The following RILPL1 variants were observed in gnomAD, a reference collection of about 807,000 sequenced individuals.
The protein encoded by RILPL1 is RILP-like protein 1.
Under a neutral mutation model 50.3 loss-of-function variants are expected in RILPL1, and 33 were observed. The ratio of observed to expected loss-of-function variants is 0.66; its 90% CI spans 0.50 to 0.88. RILPL1 has a LOEUF of 0.88. Ranked by LOEUF, RILPL1 falls within the 40% of genes least tolerant of loss-of-function variation. The pLI is 0.00. For missense variants in RILPL1, 418 were observed against 542.5 expected (o/e 0.77, Z 2.28); for synonymous variants, 205 against 228.6 (o/e 0.90, Z 0.93).
chr12:123,508,266 C>T (rs566816802), intron 2 of RILPL1, among the ~76,000 whole-genome samples: 4 of 152,068 alleles, frequency 2.6e-5, no homozygotes, highest in African/African-American at 9.7e-5. Context: ...TGGTGGCCCA[C>T]GCCTATAGTT....
intron 2 of RILPL1, among the ~76,000 whole-genome samples, chr12:123,518,017 A>G (rs1884805008): frequency 6.6e-6 from 1 of 152,218 alleles, no homozygotes; most frequent in Non-Finnish European, 1.5e-5. Context: ...AGACGCCTCA[A>G]GTAGTTAAAT....
In RILPL1 at chr12:123,472,643, G is replaced by T. The variant is rs2139299346; in HGVS notation, c.1107C>A (p.Asn369Lys). Reference sequence around the variant, plus strand: ...CCTGGATGTGCACGTTTCTCTGTGTGTTGGCCAGGCGCTTCTTATCTCGGG... The same window carrying T: ...CCTGGATGTGCACGTTTCTCTGTGTTTTGGCCAGGCGCTTCTTATCTCGGG... The part of the protein sequence containing the change: ...FFSRDKKRLA[N>K]TQRNVHIQES... The change falls in exon 7 of 7, where the codon AAC (asparagine) becomes AAA (lysine). Residue 369 changes from asparagine to lysine, a missense_variant. Coordinates refer to ENST00000376874, the MANE Select transcript of RILPL1 (RefSeq NM_178314.5). 6.3e-7 allele frequency: 1 copy of T among 1,597,960 alleles called. No homozygotes were observed. Among genetic ancestry groups the T allele is most frequent in the East Asian group, 2.3e-5 (1 of 44,402 alleles).
chr12:123,512,167 CTGTG>C (rs1426820978), intron 2 of RILPL1, among the ~76,000 whole-genome samples: 3 of 49,484 alleles, frequency 6.1e-5, no homozygotes, highest in African/African-American at 1.6e-4. Flanking sequence ...TGTGTGAGGT[CTGTG>C]TGTGTGTGGT....
intron 2 of RILPL1, chr12:123,513,797 A>G (rs1218922963): frequency 2.6e-5 from 4 of 152,216 alleles, no homozygotes; most frequent in Non-Finnish European, 4.4e-5. Flanking sequence ...GCCATCATAC[A>G]CACCCAGCAA....
intron 4 of RILPL1, among the ~76,000 whole-genome samples, chr12:123,495,785 ATTC>A (rs1882996240): frequency 6.7e-6 from 1 of 148,278 alleles, no homozygotes; most frequent in South Asian, 2.1e-4. Context: ...GGTTCAAGCA[ATTC>A]TTCTGCCTCA....
Position 123,472,700 on chromosome 12 carries a change from A to G in RILPL1, c.1068-18T>C. 2 of 1,588,566 alleles carry G rather than the reference A, an allele frequency of 1.3e-6. No homozygotes were observed. Among genetic ancestry groups the G allele is most frequent in the Non-Finnish European group, 8.6e-7 (1 of 1,167,178 alleles). ...AGCTAAACCTTTGGAAGGGAAAGCA[A>G]ACACAGAAATGAGAGCTGACCCTTT... On this transcript the variant is annotated intron_variant, in intron 6 of 6. Transcript: ENST00000376874.
At chr12:123,497,696 A>G (rs1883114492) in intron 4 of RILPL1, among the ~76,000 whole-genome samples, 1 of 152,028 alleles carries the variant, frequency 6.6e-6, no homozygotes, top group Non-Finnish European at 1.5e-5. Context: ...CCAGCCCAAA[A>G]GCAAGTTTTT....
At chr12:123,506,720 G>A (rs2139352529) in intron 2 of RILPL1, among the ~76,000 whole-genome samples, 1 of 152,314 alleles carries the variant, frequency 6.6e-6, no homozygotes, top group Middle Eastern at 3.4e-3. Context: ...TCTGCAAAAT[G>A]GGCACGTGAA....
In RILPL1 at chr12:123,523,482, G is replaced by C. The variant is rs377644760; in HGVS notation, c.460+13C>G. 6.2e-7 allele frequency: 1 copy of C among 1,613,850 alleles called. No homozygotes were observed. Among genetic ancestry groups the C allele is most frequent in the South Asian group, 1.1e-5 (1 of 91,056 alleles). On this transcript the variant is annotated intron_variant, in intron 2 of 6. Coordinates refer to ENST00000376874, the MANE Select transcript of RILPL1 (RefSeq NM_178314.5). Reference sequence around the variant, plus strand: ...TGGCCGGCCCCCTTGCATTGGCGCCGACCCCCACTTACCTTCATGCTTCTG... The same window carrying C: ...TGGCCGGCCCCCTTGCATTGGCGCCCACCCCCACTTACCTTCATGCTTCTG...
chr12:123,480,929 C>G (rs1163877564), intron 6 of RILPL1, among the ~76,000 whole-genome samples: 1 of 152,092 alleles, frequency 6.6e-6, no homozygotes, highest in Non-Finnish European at 1.5e-5. Context: ...AGTCACAGAC[C>G]CGGACGATCA....
intron 1 of RILPL1, among the ~76,000 whole-genome samples, chr12:123,527,604 A>G (rs1053651707): frequency 6.6e-6 from 1 of 151,972 alleles, no homozygotes; most frequent in African/African-American, 2.4e-5. Context: ...CAGAGGTTGC[A>G]GTGAGCCGAG....
At chr12:123,475,662 C>A in intron 6 of RILPL1, 1 of 1,581,868 alleles carries the variant, frequency 6.3e-7, no homozygotes, top group South Asian at 1.1e-5. Context: ...ACAGTGCCTA[C>A]AAGGGAAACA....
At chr12:123,484,998 T>C in intron 5 of RILPL1, 1 of 382,876 alleles carries the variant, frequency 2.6e-6, no homozygotes, top group Non-Finnish European at 5.3e-6. Flanking sequence ...TCAGTAAACC[T>C]TTCAATAAAA....
chr12:123,479,313 T>C (rs1881804380), intron 6 of RILPL1, among the ~76,000 whole-genome samples: 1 of 152,072 alleles, frequency 6.6e-6, no homozygotes, highest in African/African-American at 2.4e-5. Context: ...TGAACACTCC[T>C]TGGCGACTGT....
chr12:123,533,457 A>T lies in RILPL1; in HGVS notation c.26T>A (p.Leu9Gln), dbSNP rs1286089830. ...CTTCTCCAGCGCCGACTCGGCCGCC[A>T]GCGCCGACCCCCGCTCCTCCTCCAT... MEEERGSA[L>Q]AAESALEKNV... The change falls in exon 1 of 7, where the codon CTG (leucine) becomes CAG (glutamine). Residue 9 changes from leucine to glutamine, a missense_variant. Physicochemically the swap from Leu to Gln is moderately radical, Grantham distance 113 (BLOSUM62 -2). Transcript: ENST00000376874. The surrounding 1 kb of genome is among the most constrained non-coding windows in gnomAD (Gnocchi z 6.2). 3.9e-6 allele frequency: 6 copies of T among 1,529,430 alleles called. No individual in the cohort carries two copies. The highest frequency in any genetic ancestry group is 5.3e-6 in the Non-Finnish European group (6 of 1,135,740). 94.7% of individuals were successfully genotyped at this position (1,529,430 alleles called of 1,614,324 possible).
At position 123,489,968 on chromosome 12, in the gene RILPL1, A is replaced by G. The variant is rs1201557245; in HGVS notation, c.802-4163T>C. Among the ~76,000 whole-genome samples, 1 of 152,158 alleles carries G rather than the reference A, an allele frequency of 6.6e-6. No homozygotes were observed. Among genetic ancestry groups the G allele is most frequent in the African/African-American group, 2.4e-5 (1 of 41,452 alleles). ...AGTTTGCATTTTGGGCTTCCTGTGG[A>G]AAGTGCGCTGGAAGATCAGGCCCCA... On this transcript the variant is annotated intron_variant, in intron 4 of 6. Coordinates refer to ENST00000376874, the MANE Select transcript of RILPL1 (RefSeq NM_178314.5). The surrounding 1 kb of genome is among the most constrained non-coding windows in gnomAD (Gnocchi z 4.0).
intron 4 of RILPL1, among the ~76,000 whole-genome samples, chr12:123,496,384 G>A (rs1309683490): frequency 6.6e-6 from 1 of 152,078 alleles, no homozygotes; most frequent in Non-Finnish European, 1.5e-5. Flanking sequence ...CTGTCCTACA[G>A]CAAACCTGGA....
At chr12:123,521,768 T>C (rs986525119) in intron 2 of RILPL1, among the ~76,000 whole-genome samples, 1 of 144,626 alleles carries the variant, frequency 6.9e-6, no homozygotes, top group Non-Finnish European at 1.5e-5. Flanking sequence ...CACACATATA[T>C]GTGTATATAT....
At chr12:123,503,178 C>G (rs1411063349) in intron 2 of RILPL1, among the ~76,000 whole-genome samples, 1 of 141,142 alleles carries the variant, frequency 7.1e-6, no homozygotes, top group African/African-American at 2.6e-5. Context: ...TGAACCACCA[C>G]GCCTGGCCTT....
Sources: gnomAD v4.1 joint callset for allele counts (sites outside exome capture counted in the v4.1 genomes callset) on GRCh38, gnomAD v4.1.1 for gene constraint, Gnocchi (gnomAD v3.1) non-coding constraint, MANE v1.5 for transcripts, NCBI Gene and HGNC (gene_info 2026-07-23, HGNC 2026-07-21) for gene names.